Variants in FRAS1 observed in about 807,000 individuals in gnomAD.
FRAS1 encodes Fraser extracellular matrix complex subunit 1.
Under a neutral mutation model 435.2 loss-of-function variants are expected in FRAS1, and 290 were observed. The observed-to-expected ratio is 0.67, with a 90% confidence interval of 0.61 to 0.73. The LOEUF (loss-of-function observed/expected upper bound fraction) is 0.73. Among genes scored for constraint, FRAS1 ranks in the 30% least tolerant of loss-of-function variants. FRAS1 has a pLI of 0.00. For synonymous variants in FRAS1, 1,800 were observed against 1,851.0 expected (o/e 0.97, Z 0.71); for missense variants, 4,860 against 5,001.5 (o/e 0.97, Z 0.85).
intron 47 of FRAS1, among the ~76,000 whole-genome samples, chr4:78,459,761 C>T (rs1304618494): frequency 6.6e-6 from 1 of 152,180 alleles, no homozygotes; most frequent in Admixed American, 6.5e-5. Flanking sequence ...CTGGCTCCTT[C>T]TGAGGGCTGT....
Position 78,060,136 on chromosome 4 carries a change from C to T in FRAS1, c.76+2051C>T, listed in dbSNP as rs1169901507. 7.4e-5 allele frequency among the ~76,000 whole-genome samples: 11 copies of T among 149,620 alleles called. No homozygotes were observed. The Admixed American group carries it at 7.4e-4, about 10-fold the overall frequency. On this transcript the variant is annotated intron_variant, in intron 1 of 73. Transcript: ENST00000512123. ...TGTTTGCCTGGCTCTTTGCTAAGCA[C>T]TTTACATACTTTATCTCATTTAATT... is the stretch of plus-strand genomic sequence containing the variant.
At chr4:78,445,372 T>C (rs1015210856) in intron 41 of FRAS1, 150 bp from the exon 42 acceptor site, 1 of 1,015,740 alleles carries the variant, frequency 9.8e-7, no homozygotes. Context: ...GCCTTCCAAT[T>C]CCTGGTCTTG....
intron 20 of FRAS1, among the ~76,000 whole-genome samples, chr4:78,339,583 A>T (rs1730321831): frequency 6.6e-6 from 1 of 152,180 alleles, no homozygotes; most frequent in Non-Finnish European, 1.5e-5. Flanking sequence ...ACAGAGGGAG[A>T]TCTGGTGGGC....
intron 66 of FRAS1, among the ~76,000 whole-genome samples, chr4:78,517,107 A>T (rs1411075736): frequency 2.0e-5 from 3 of 152,212 alleles, no homozygotes; most frequent in African/African-American, 4.8e-5. Flanking sequence ...CTTCATTTCA[A>T]ATCAGGTTTA....
intron 2 of FRAS1, among the ~76,000 whole-genome samples, chr4:78,174,301 A>T (rs2110041253): frequency 6.6e-6 from 1 of 152,344 alleles, no homozygotes; most frequent in Non-Finnish European, 1.5e-5. Context: ...CTTGGCAAAC[A>T]TACCTATGTC....
intron 2 of FRAS1, among the ~76,000 whole-genome samples, chr4:78,231,120 A>AT (rs1026128579): frequency 9.9e-5 from 15 of 151,450 alleles, no homozygotes; most frequent in African/African-American, 3.4e-4. Flanking sequence ...ATGCCCAGCA[A>AT]TTTTTTTTCT....
intron 2 of FRAS1, among the ~76,000 whole-genome samples, chr4:78,232,521 G>A (rs60995433): frequency 0.022 from 3,274 of 152,186 alleles, 95 homozygotes; most frequent in African/African-American, 0.06. Context: ...TCCTGACCTC[G>A]TGATCTGCCT....
chr4:78,115,621 G>A (rs909133652), intron 2 of FRAS1, among the ~76,000 whole-genome samples: 6 of 152,132 alleles, frequency 3.9e-5, no homozygotes, highest in Non-Finnish European at 8.8e-5. Context: ...TTGTGTAGAG[G>A]TGTTTATAGT....
At chr4:78,340,563 A>G (rs1329589600) in intron 20 of FRAS1, among the ~76,000 whole-genome samples, 1 of 152,230 alleles carries the variant, frequency 6.6e-6, no homozygotes, top group Non-Finnish European at 1.5e-5. Flanking sequence ...CTCTGGGGAT[A>G]TAAAGACAAA....
At chr4:78,355,785 G>C (rs755044309) in intron 20 of FRAS1, among the ~76,000 whole-genome samples, 1 of 152,186 alleles carries the variant, frequency 6.6e-6, no homozygotes, top group African/African-American at 2.4e-5. Flanking sequence ...GCAGGAACAG[G>C]CATGGAAGGC....
At chr4:78,424,332 ATC>A in intron 34 of FRAS1, 54 bp from the exon 35 acceptor site, 19 of 918,250 alleles carry the variant, frequency 2.1e-5, no homozygotes, top group South Asian at 9.4e-5. Context: ...TACCTTTCCT[ATC>A]TCTCTCTGAT....
intron 2 of FRAS1, among the ~76,000 whole-genome samples, chr4:78,153,505 A>G (rs1249087130): frequency 6.6e-6 from 1 of 152,190 alleles, no homozygotes; most frequent in Non-Finnish European, 1.5e-5. Context: ...CACCCTGTGA[A>G]ATGGAAAATA....
chr4:78,197,324 C>T (rs1166449764), intron 2 of FRAS1, among the ~76,000 whole-genome samples: 1 of 152,102 alleles, frequency 6.6e-6, no homozygotes, highest in Non-Finnish European at 1.5e-5. Flanking sequence ...ATCTGTAAAG[C>T]GGGACAAACA....
chr4:78,188,330 C>A (rs115735321), intron 2 of FRAS1, among the ~76,000 whole-genome samples: 4,432 of 146,776 alleles, frequency 0.03, 213 homozygotes, highest in African/African-American at 0.1. Flanking sequence ...ATCTATCTAT[C>A]TATATTTAGG....
intron 36 of FRAS1, among the ~76,000 whole-genome samples, chr4:78,429,899 C>G (rs981287891): frequency 5.3e-5 from 8 of 152,138 alleles, no homozygotes; most frequent in Non-Finnish European, 1.0e-4. Flanking sequence ...TCACTTGGCT[C>G]TTTGTAGCTT....
At chr4:78,223,325 G>A (rs937904784) in intron 2 of FRAS1, among the ~76,000 whole-genome samples, 1 of 152,124 alleles carries the variant, frequency 6.6e-6, no homozygotes, top group African/African-American at 2.4e-5. Context: ...ATCATGCCAG[G>A]GTGTTCTTGG....
intron 2 of FRAS1, among the ~76,000 whole-genome samples, chr4:78,160,468 A>G (rs750143053): frequency 9.2e-5 from 14 of 152,160 alleles, no homozygotes; most frequent in Non-Finnish European, 1.8e-4. Flanking sequence ...TATTCCCATC[A>G]ACTGGATGTG....
chr4:78,410,262 T>C (rs1305195912), intron 31 of FRAS1, among the ~76,000 whole-genome samples: 1 of 152,166 alleles, frequency 6.6e-6, no homozygotes, highest in East Asian at 1.9e-4. Context: ...GTAATTTGGT[T>C]ACTGAGTAAA....
chr4:78,245,036 G>A (rs1281029572), intron 3 of FRAS1, among the ~76,000 whole-genome samples, 197 bp from the exon 4 acceptor site: 1 of 152,058 alleles, frequency 6.6e-6, no homozygotes, highest in Non-Finnish European at 1.5e-5. Context: ...TTTACAGAGG[G>A]GGTTCATTTT....
Sources: allele counts gnomAD v4.1 joint callset (sites outside exome capture counted in the v4.1 genomes callset), GRCh38; gene constraint gnomAD v4.1.1; transcripts MANE v1.5; gene names NCBI Gene and HGNC (gene_info 2026-07-23, HGNC 2026-07-21).